The following PCNX1 variants were observed in gnomAD, a reference collection of about 807,000 sequenced individuals.
PCNX1 encodes the protein pecanex-like protein 1.
PCNX1 carries 78 observed loss-of-function variants against 242.2 expected under a neutral mutation model. The ratio of observed to expected loss-of-function variants is 0.32; its 90% CI spans 0.27 to 0.39. PCNX1 has a LOEUF of 0.39. Among genes scored for constraint, PCNX1 ranks in the 10% least tolerant of loss-of-function variants. The pLI is 1.00. For missense variants in PCNX1, 2,581 were observed against 2,856.5 expected (o/e 0.90, Z 2.20); for synonymous variants, 1,024 against 1,032.9 (o/e 0.99, Z 0.17).
Position 70,907,618 on chromosome 14 carries a change from C to G in PCNX1, c.-233C>G, listed in dbSNP as rs1339376128. The G allele has an allele frequency of 6.9e-6, 2 of 290,840 alleles. No homozygotes were observed. Among genetic ancestry groups the G allele is most frequent in the Non-Finnish European group, 5.9e-6 (1 of 168,816 alleles). The allele number at this position is 290,840 out of a possible 1,614,324, so 18.0% of individuals were successfully genotyped here. A position where few individuals can be genotyped will look rare whatever the true frequency, so the allele number is the denominator to read the frequency against. On this transcript the variant is annotated 5_prime_UTR_variant, in exon 1 of 36. Transcript: ENST00000304743. ...AGAAGGCCGGTCTCCTCCTCTCCGC[C>G]GTCCTCCGCCCCGCCGCTCGCCGCC...
At chr14:70,913,323 T>C (rs2056007881) in intron 1 of PCNX1, among the ~76,000 whole-genome samples, 1 of 152,224 alleles carries the variant, frequency 6.6e-6, no homozygotes, top group South Asian at 2.1e-4. Context: ...CTGTATCATA[T>C]GGTGGAGCTG....
Position 70,962,410 on chromosome 14 carries a change from G to A in PCNX1, c.468+79G>A, listed in dbSNP as rs562634056. The A allele has an allele frequency of 1.5e-5, 11 of 732,994 alleles. 1 individual carries two copies. In the East Asian group the frequency reaches 1.8e-4, roughly 12 times the overall value. 45.4% of individuals were successfully genotyped at this position (732,994 alleles called of 1,614,324 possible). ...TCCGTTATTCTCGTGTCTTTAAGTC[G>A]GCTGATGTTTTGTCATATCTTTCTG... On this transcript the variant is annotated intron_variant, in intron 3 of 35. Transcript: ENST00000304743.
intron 1 of PCNX1, among the ~76,000 whole-genome samples, chr14:70,915,676 T>C (rs1386152052): frequency 6.6e-6 from 1 of 152,204 alleles, no homozygotes; most frequent in African/African-American, 2.4e-5. Context: ...TAGAAAACAG[T>C]AGGGTGAATA....
intron 7 of PCNX1, among the ~76,000 whole-genome samples, chr14:70,994,426 T>TATATATAG (rs1387360991): frequency 3.1e-4 from 36 of 114,978 alleles, no homozygotes; most frequent in Non-Finnish European, 3.7e-4. Context: ...TATATATATA[T>TATATATAG]ATATGTATGT....
intron 28 of PCNX1, chr14:71,085,806 C>T: frequency 8.2e-6 from 3 of 364,080 alleles, no homozygotes; most frequent in Admixed American, 2.9e-5. Flanking sequence ...TCCTTAGGAG[C>T]CACACAGGTG....
intron 16 of PCNX1, among the ~76,000 whole-genome samples, chr14:71,029,684 A>G (rs1331613624): frequency 6.6e-6 from 1 of 152,244 alleles, no homozygotes. Flanking sequence ...TTGAAGATCA[A>G]ATAGGCATTA....
intron 15 of PCNX1, among the ~76,000 whole-genome samples, chr14:71,027,864 C>G (rs1463302378): frequency 6.6e-6 from 1 of 151,780 alleles, no homozygotes. Flanking sequence ...GGGACTATTA[C>G]TGGTGTTATA....
chr14:71,007,050 G>A (rs1023951039), intron 8 of PCNX1, among the ~76,000 whole-genome samples: 1 of 152,084 alleles, frequency 6.6e-6, no homozygotes, highest in Non-Finnish European at 1.5e-5. Flanking sequence ...TAAAATCATA[G>A]CCTCTCTTTT....
chr14:70,948,871 A>T (rs542919434), intron 2 of PCNX1, among the ~76,000 whole-genome samples: 1 of 148,744 alleles, frequency 6.7e-6, no homozygotes, highest in Admixed American at 6.7e-5. Context: ...ACATATGTAT[A>T]TATAGATATG....
chr14:71,068,460 A>G (rs1301724426), intron 26 of PCNX1, among the ~76,000 whole-genome samples: 1 of 149,154 alleles, frequency 6.7e-6, no homozygotes, highest in Non-Finnish European at 1.5e-5. Context: ...ATATGTGTAT[A>G]TACATATATA....
chr14:71,026,528 G>A (rs1027478595), intron 14 of PCNX1, among the ~76,000 whole-genome samples: 10 of 151,874 alleles, frequency 6.6e-5, no homozygotes, highest in African/African-American at 2.4e-4. Context: ...TTTTGGTTTT[G>A]TTATCTTAGG....
chr14:71,074,076 C>T (rs768831325), intron 27 of PCNX1, among the ~76,000 whole-genome samples: 13 of 152,160 alleles, frequency 8.5e-5, no homozygotes, highest in Non-Finnish European at 1.3e-4. Context: ...TATGTACACA[C>T]AAATACGCAT....
intron 8 of PCNX1, among the ~76,000 whole-genome samples, chr14:71,005,119 G>T (rs2059615974): frequency 6.6e-6 from 1 of 152,146 alleles, no homozygotes; most frequent in Non-Finnish European, 1.5e-5. Context: ...GTACTTGGAA[G>T]ATTAGAAAAA....
chr14:70,989,921 G>T (rs1462232439), intron 7 of PCNX1, among the ~76,000 whole-genome samples: 1 of 152,156 alleles, frequency 6.6e-6, no homozygotes, highest in Non-Finnish European at 1.5e-5. Flanking sequence ...TGTCCCAAAA[G>T]TACCATTTTA....
chr14:71,057,079 G>T (rs890326636), intron 25 of PCNX1, among the ~76,000 whole-genome samples: 2 of 152,018 alleles, frequency 1.3e-5, no homozygotes, highest in South Asian at 2.1e-4. Flanking sequence ...GCTTCTTTTT[G>T]ATTGTCTTAT....
intron 5 of PCNX1, among the ~76,000 whole-genome samples, chr14:70,970,472 A>G (rs577453098): frequency 1.3e-5 from 2 of 152,348 alleles, no homozygotes; most frequent in African/African-American, 2.4e-5. Context: ...ACAACTAGAT[A>G]ATAATCTCAG....
chr14:70,985,339 C>G (rs892766101), intron 6 of PCNX1, among the ~76,000 whole-genome samples: 9 of 152,098 alleles, frequency 5.9e-5, no homozygotes, highest in African/African-American at 2.2e-4. Context: ...CTCAGCCTCC[C>G]GAGTAGCCGA....
chr14:71,097,604 C>G (rs1160990822), intron 30 of PCNX1, among the ~76,000 whole-genome samples: 1 of 152,140 alleles, frequency 6.6e-6, no homozygotes, highest in Non-Finnish European at 1.5e-5. Context: ...TGAGGAGCAT[C>G]TGTTCTTATC....
chr14:71,057,009 A>G (rs558268630), intron 25 of PCNX1, among the ~76,000 whole-genome samples: 117 of 152,190 alleles, frequency 7.7e-4, no homozygotes, highest in African/African-American at 2.6e-3. Context: ...CTCTGTTGCT[A>G]TATACAGTTT....
Sources: allele counts gnomAD v4.1 joint callset (sites outside exome capture counted in the v4.1 genomes callset), GRCh38; gene constraint gnomAD v4.1.1; transcripts MANE v1.5; gene names NCBI Gene and HGNC (gene_info 2026-07-23, HGNC 2026-07-21).